The following ENG variants were observed in gnomAD, a reference collection of about 807,000 sequenced individuals.
ENG encodes CD105 antigen.
Under a neutral mutation model 71.0 loss-of-function variants are expected in ENG, and 17 were observed. The observed-to-expected ratio is 0.24, with a 90% CI of 0.16 to 0.36. The LOEUF is 0.36. ENG is among the 10% of genes least tolerant of loss of function. ENG has a pLI of 1.00. For synonymous variants in ENG, 360 were observed against 366.9 expected (o/e 0.98, Z 0.21); for missense variants, 749 against 868.3 (o/e 0.86, Z 1.73).
At chr9:127,825,106 C>G (rs536975544) in intron 6 of ENG, 125 bp downstream of exon 6, 153 of 1,591,502 alleles carry the variant, frequency 9.6e-5, no homozygotes, top group Non-Finnish European at 1.2e-4. Context: ...TGGCCCCTTC[C>G]CTCACGTATG....
chr9:127,827,569 A>G (rs1830651795), intron 3 of ENG, among the ~76,000 whole-genome samples: 1 of 152,260 alleles, frequency 6.6e-6, no homozygotes, highest in South Asian at 2.1e-4. Context: ...CTTAGTGTAC[A>G]GTCTCCAAAG....
intron 2 of ENG, among the ~76,000 whole-genome samples, chr9:127,840,635 A>G (rs1396410218): frequency 6.6e-6 from 1 of 152,176 alleles, no homozygotes; most frequent in Non-Finnish European, 1.5e-5. Context: ...TCTACCAGCA[A>G]GTGGGGAGAA....
At chr9:127,830,698 T>C (rs1477522713) in intron 2 of ENG, among the ~76,000 whole-genome samples, 2 of 151,670 alleles carry the variant, frequency 1.3e-5, no homozygotes, top group Non-Finnish European at 2.9e-5. Flanking sequence ...CTGAACTTCA[T>C]CCATCAAGGA....
At chr9:127,840,562 C>A (rs958530393) in intron 2 of ENG, among the ~76,000 whole-genome samples, 3 of 152,194 alleles carry the variant, frequency 2.0e-5, no homozygotes, top group Admixed American at 2.0e-4. Context: ...GTAAGCCAGG[C>A]CCCTGGGCCA....
intron 11 of ENG, 97 bp from the exon 12 acceptor site, chr9:127,818,474 C>T: frequency 6.4e-7 from 1 of 1,567,068 alleles, no homozygotes; most frequent in Non-Finnish European, 8.6e-7. Context: ...GAGTTCCCAC[C>T]CCTGAGTCCT....
chr9:127,852,521 C>T (rs2131933820), intron 1 of ENG, among the ~76,000 whole-genome samples: 1 of 152,338 alleles, frequency 6.6e-6, no homozygotes, highest in African/African-American at 2.4e-5. Context: ...CTCCTACCTG[C>T]TCACAGGAAC....
rs775442178 is a variant in ENG, at chr9:127,825,806, G to T, written c.578C>A (p.Thr193Lys). The T allele has an allele frequency of 1.9e-6, 3 of 1,597,198 alleles. No homozygotes were observed. Among genetic ancestry groups the T allele is most frequent in the African/African-American group, 1.3e-5 (1 of 74,588 alleles). ...MLEASQDMGR[T>K]LEWRPRTPAL... ...TGGAGTACGCGGCCGCCACTCGAGC[G>T]TGCGGCCCATGTCCTGGCTGGCTTC... The change falls in exon 5 of 15, where the codon ACG (threonine) becomes AAG (lysine). Residue 193 changes from threonine (T) to lysine (K), a missense_variant. By Grantham distance (78) the Thr-to-Lys change is moderately conservative. Coordinates refer to ENST00000373203, the MANE Select transcript of ENG (RefSeq NM_001114753.3).
chr9:127,823,295 ACCAC>A (rs1830514582), intron 8 of ENG, among the ~76,000 whole-genome samples: 1 of 138,048 alleles, frequency 7.2e-6, no homozygotes, highest in African/African-American at 2.7e-5. Context: ...ACAGGCGCCT[ACCAC>A]CATGCCTGGC....
At position 127,815,999 on chromosome 9, in the gene ENG, G is replaced by C; in HGVS notation, c.1796C>G (p.Ala599Gly). 1 of 1,610,294 alleles carries C rather than the reference G, an allele frequency of 6.2e-7. No individual in the cohort carries two copies. The highest frequency in any genetic ancestry group is 8.5e-7 in the Non-Finnish European group (1 of 1,178,784). ...LPAVLGITFGAFLIGALLTAA... is the reference protein window; with the variant it reads ...LPAVLGITFGGFLIGALLTAA... Reference sequence around the variant, plus strand: ...AGTGAGCAGGGCCCCGATGAGGAAGGCACCAAAGGTGATGCCCAGCACGGC... The same window carrying C: ...AGTGAGCAGGGCCCCGATGAGGAAGCCACCAAAGGTGATGCCCAGCACGGC... The change falls in exon 14 of 15, where the codon GCC becomes GGC. Residue 599 changes from alanine (A) to glycine (G), a missense_variant. Transcript: ENST00000373203.
At chr9:127,825,617 C>T (rs982407252) in intron 5 of ENG, 78 bp downstream of exon 5, 33 of 1,126,328 alleles carry the variant, frequency 2.9e-5, no homozygotes, top group Admixed American at 1.3e-4. Flanking sequence ...TATAAGGGAC[C>T]GGAGAGGGGG....
rs181865408 is a variant in ENG, at chr9:127,819,679, G to A, written c.1273-19C>T. 1.1e-5 allele frequency: 17 copies of A among 1,603,900 alleles called. No individual in the cohort carries two copies. The African/African-American group carries it at 1.9e-4, about 18-fold the overall frequency. On this transcript the variant is annotated intron_variant, in intron 9 of 14. Transcript: ENST00000373203. ...CCACCGCCTGCGGGGATAAAGCCAG[G>A]GAGCTGGTCAGAGCCAGAAAGGACC...
chr9:127,843,730 C>CATATATAT (rs1831099913), intron 1 of ENG, among the ~76,000 whole-genome samples: 3 of 6,868 alleles, frequency 4.4e-4, no homozygotes, highest in African/African-American at 1.0e-3. Context: ...CCCACACATC[C>CATATATAT]ACATACATAT....
chr9:127,842,427 T>A (rs2104562), intron 2 of ENG, among the ~76,000 whole-genome samples: 2,111 of 151,584 alleles, frequency 0.014, 43 homozygotes, highest in African/African-American at 0.048. Context: ...TTTATTTTTT[T>A]ATTTTTTATT....
intron 2 of ENG, among the ~76,000 whole-genome samples, chr9:127,839,004 G>T (rs1830967515): frequency 6.6e-6 from 1 of 152,132 alleles, no homozygotes; most frequent in Non-Finnish European, 1.5e-5. Context: ...GATCCGGCTG[G>T]CTGCTAAAAG....
rs1260900666 is a variant in ENG at position 127,854,447 on chromosome 9, G to A, written c.-92C>T. ...ACCGGGGCCGGCGTGGGCTCGCACG[G>A]GGACCCGAGGGGAGCAGGCGGCCGG... is the stretch of plus-strand genomic sequence containing the variant. On this transcript the variant is annotated 5_prime_UTR_variant, in exon 1 of 15. Transcript: ENST00000373203. 1 of 1,374,260 alleles carries A rather than the reference G, an allele frequency of 7.3e-7. No individual in the cohort carries two copies. Among genetic ancestry groups the A allele is most frequent in the African/African-American group, 1.5e-5 (1 of 67,850 alleles). The allele number at this position is 1,374,260 out of a possible 1,614,324, so 85.1% of individuals were successfully genotyped here.
intron 5 of ENG, 48 bp from the exon 6 acceptor site, chr9:127,825,405 C>A: frequency 6.2e-7 from 1 of 1,602,678 alleles, no homozygotes. Flanking sequence ...ACAGGCCAGG[C>A]GGGGAGCGAG....
Position 127,829,831 on chromosome 9 carries a change from G to A in ENG, c.220-4C>T, listed in dbSNP as rs1830720091. On this transcript the variant is annotated splice_region_variant and splice_polypyrimidine_tract_variant and intron_variant, in intron 2 of 14. Coordinates refer to ENST00000373203, the MANE Select transcript of ENG (RefSeq NM_001114753.3). ...TCAGCTCCAGCTGTGACGGGCCCTG[G>A]GGGACACAGAGGAGAGACACACACA... 2 of 1,613,770 alleles carry A rather than the reference G, an allele frequency of 1.2e-6. No individual in the cohort carries two copies. Among genetic ancestry groups the A allele is most frequent in the Non-Finnish European group, 1.7e-6 (2 of 1,180,016 alleles).
chr9:127,823,822 C>T (rs1830534022), intron 8 of ENG, among the ~76,000 whole-genome samples: 1 of 151,664 alleles, frequency 6.6e-6, no homozygotes, highest in Admixed American at 6.6e-5. Context: ...GCTGGGACTA[C>T]AGGTGTGTCC....
chr9:127,818,940 CTTT>C (rs373626892), intron 10 of ENG, 108 bp from the exon 11 acceptor site: 1,259 of 680,906 alleles, frequency 1.8e-3, no homozygotes, highest in Non-Finnish European at 2.2e-3. Flanking sequence ...GCCTGACTCT[CTTT>C]TTTTTTTTTT....
Sources: allele counts gnomAD v4.1 joint callset (sites outside exome capture counted in the v4.1 genomes callset), GRCh38; gene constraint gnomAD v4.1.1; transcripts MANE v1.5; gene names NCBI Gene and HGNC (gene_info 2026-07-23, HGNC 2026-07-21).